DNAH11: variants seen among roughly 807,000 people sequenced by gnomAD.
DNAH11 encodes axonemal beta dynein heavy chain 11.
DNAH11 carries 442 observed loss-of-function variants against 526.0 expected under a neutral mutation model. The observed-to-expected ratio is 0.84, with a 90% CI of 0.78 to 0.91. The LOEUF (loss-of-function observed/expected upper bound fraction) is 0.91, where lower values mean the gene tolerates loss of function less well. DNAH11 is among the 40% of genes least tolerant of loss of function. DNAH11 has a pLI of 0.00. For missense variants in DNAH11, 6,989 were observed against 5,448.7 expected (o/e 1.28, Z -8.90); for synonymous variants, 2,461 against 1,935.9 (o/e 1.27, Z -7.12).
chr7:21,586,358 A>G (rs1784477624), intron 9 of DNAH11, among the ~76,000 whole-genome samples: 1 of 152,174 alleles, frequency 6.6e-6, no homozygotes, highest in African/African-American at 2.4e-5. Flanking sequence ...TTGAAACCCA[A>G]ACTCAACAAA....
chr7:21,789,820 C>CTTTTTT, intron 61 of DNAH11, among the ~76,000 whole-genome samples: 1 of 85,994 alleles, frequency 1.2e-5, no homozygotes, highest in East Asian at 3.0e-4. Context: ...TTCTTTCTTT[C>CTTTTTT]TTTCTTTCTT....
At chr7:21,779,172 C>T in intron 57 of DNAH11, 68 bp downstream of exon 57, 1 of 1,512,218 alleles carries the variant, frequency 6.6e-7, no homozygotes, top group Non-Finnish European at 8.9e-7. Flanking sequence ...GGTAGGTGAA[C>T]AATTTTGAAC....
At chr7:21,735,866 C>G in intron 46 of DNAH11, 22 bp downstream of exon 46, 1 of 1,565,366 alleles carries the variant, frequency 6.4e-7, no homozygotes, top group Non-Finnish European at 8.7e-7. Flanking sequence ...TGTTTATTTT[C>G]TAGAAACAAG....
At chr7:21,648,712 T>C (rs1332045718) in intron 28 of DNAH11, among the ~76,000 whole-genome samples, 1 of 152,246 alleles carries the variant, frequency 6.6e-6, no homozygotes, top group Non-Finnish European at 1.5e-5. Context: ...ATATATGTTA[T>C]GTATTTACAT....
At chr7:21,619,414 T>A (rs1421872070) in intron 24 of DNAH11, among the ~76,000 whole-genome samples, 192 bp downstream of exon 24, 1 of 152,122 alleles carries the variant, frequency 6.6e-6, no homozygotes, top group Non-Finnish European at 1.5e-5. Context: ...ACAGGAGGAT[T>A]GGTCTTGTTG....
At chr7:21,556,627 A>C (rs62441670) in intron 2 of DNAH11, among the ~76,000 whole-genome samples, 26,822 of 152,146 alleles carry the variant, frequency 0.18, 2,408 homozygotes, top group Middle Eastern at 0.24. Flanking sequence ...TTACCCAGGT[A>C]ATCAGCATAG....
chr7:21,557,509 C>T (rs773744964), intron 2 of DNAH11, among the ~76,000 whole-genome samples: 2 of 152,076 alleles, frequency 1.3e-5, no homozygotes, highest in East Asian at 1.9e-4. Flanking sequence ...GTGGAAGGGG[C>T]GAACAAGCTC....
chr7:21,618,624 AT>A (rs894704453), intron 23 of DNAH11, among the ~76,000 whole-genome samples: 7 of 151,816 alleles, frequency 4.6e-5, no homozygotes, highest in African/African-American at 1.5e-4. Flanking sequence ...CTGTAAGACT[AT>A]TTTTTTTGCC....
chr7:21,652,439 A>G (rs1005304514), intron 28 of DNAH11, among the ~76,000 whole-genome samples: 4 of 152,246 alleles, frequency 2.6e-5, no homozygotes, highest in Admixed American at 2.0e-4. Flanking sequence ...CTGTACCTTA[A>G]GTAGTAAGAT....
chr7:21,838,423 G>A (rs1459307546), intron 65 of DNAH11, among the ~76,000 whole-genome samples: 1 of 152,116 alleles, frequency 6.6e-6, no homozygotes, highest in Admixed American at 6.5e-5. Context: ...CACTCAAAGT[G>A]TGTAATTCAG....
At chr7:21,623,101 T>C (rs910888505) in intron 25 of DNAH11, among the ~76,000 whole-genome samples, 1 of 151,010 alleles carries the variant, frequency 6.6e-6, no homozygotes, top group Non-Finnish European at 1.5e-5. Flanking sequence ...GAATCTACAA[T>C]GAACTCAAAC....
intron 25 of DNAH11, among the ~76,000 whole-genome samples, chr7:21,625,327 T>C (rs1265387849): frequency 6.6e-6 from 1 of 152,194 alleles, no homozygotes; most frequent in Non-Finnish European, 1.5e-5. Context: ...TAGTCTCTTA[T>C]GATCCTTTGT....
At position 21,789,809 on chromosome 7, in the gene DNAH11, T is replaced by TTTCTTTCTTTC. The variant is rs1788375390; in HGVS notation, c.10026+470_10026+480dup. Among the ~76,000 whole-genome samples the TTTCTTTCTTTC allele has an allele frequency of 3.1e-3, 61 of 19,496 alleles. 1 individual carries two copies. The highest frequency in any genetic ancestry group is 9.8e-3 in the Admixed American group (20 of 2,040). The allele number at this position is 19,496 out of a possible 152,430, so 12.8% of individuals were successfully genotyped here. On this transcript the variant is annotated intron_variant, in intron 61 of 81. Coordinates refer to ENST00000409508, the MANE Select transcript of DNAH11 (RefSeq NM_001277115.2). Reference sequence around the variant, plus strand: ...TCTTTCTTTCTTTCTTTCTTTCTTTTTTCTTTCTTTCTTTCTTTCTTTCTT... The same window carrying TTTCTTTCTTTC: ...TCTTTCTTTCTTTCTTTCTTTCTTTTTTCTTTCTTTCTTCTTTCTTTCTTTCTTTCTTTCTT...
intron 18 of DNAH11, among the ~76,000 whole-genome samples, chr7:21,605,619 AG>A (rs1785249392): frequency 1.3e-5 from 2 of 152,226 alleles, no homozygotes. Context: ...TCCAACAAGA[AG>A]GAGAATGTAC....
At chr7:21,617,475 G>A (rs1785830895) in intron 22 of DNAH11, 144 bp from the exon 23 acceptor site, 20 of 923,046 alleles carry the variant, frequency 2.2e-5, no homozygotes, top group Non-Finnish European at 3.0e-5. Context: ...TCGTTTCTCT[G>A]GTTTTGCTCC....
intron 48 of DNAH11, among the ~76,000 whole-genome samples, chr7:21,741,414 T>C (rs1000279053): frequency 1.3e-5 from 2 of 152,198 alleles, no homozygotes; most frequent in African/African-American, 4.8e-5. Flanking sequence ...TAAACATTTG[T>C]TTGCAGGTTT....
At chr7:21,766,688 A>C (rs909443245) in intron 55 of DNAH11, among the ~76,000 whole-genome samples, 22 of 150,204 alleles carry the variant, frequency 1.5e-4, no homozygotes, top group African/African-American at 4.4e-4. Flanking sequence ...TATTGTTCAT[A>C]ATATCATTTT....
chr7:21,665,686 T>C (rs190353934), intron 30 of DNAH11, among the ~76,000 whole-genome samples: 13 of 152,288 alleles, frequency 8.5e-5, no homozygotes, highest in African/African-American at 3.1e-4. Context: ...GCTTCTTTTT[T>C]CATGTTGGAT....
At chr7:21,789,968 C>T (rs1405601415) in intron 61 of DNAH11, among the ~76,000 whole-genome samples, 1 of 133,288 alleles carries the variant, frequency 7.5e-6, no homozygotes, top group Non-Finnish European at 1.6e-5. Context: ...AGGCTTGTTA[C>T]ACAGGTAAAT....
Sources: gnomAD v4.1 joint callset for allele counts (sites outside exome capture counted in the v4.1 genomes callset) on GRCh38, gnomAD v4.1.1 for gene constraint, MANE v1.5 for transcripts, NCBI Gene and HGNC (gene_info 2026-07-23, HGNC 2026-07-21) for gene names.